Variants in DLGAP2 observed in about 807,000 individuals in gnomAD.
DLGAP2 encodes the protein disks large-associated protein 2.
A neutral mutation model predicts 100.3 loss-of-function variants in DLGAP2; 26 were observed. The ratio of observed to expected loss-of-function variants is 0.26; its 90% CI spans 0.19 to 0.36. The LOEUF (loss-of-function observed/expected upper bound fraction) is 0.36. Ranked by LOEUF, DLGAP2 falls within the 10% of genes least tolerant of loss-of-function variation. The probability of loss-of-function intolerance (pLI) is 1.00; values close to 1 mark genes in which losing one functional copy is unlikely to be tolerated. For missense variants in DLGAP2, 1,858 were observed against 1,453.2 expected (o/e 1.28, Z -4.53); for synonymous variants, 886 against 630.1 (o/e 1.41, Z -6.08).
intron 2 of DLGAP2, among the ~76,000 whole-genome samples, chr8:1,059,523 G>A (rs1377687309): frequency 1.3e-5 from 2 of 152,204 alleles, no homozygotes; most frequent in East Asian, 3.9e-4. Flanking sequence ...GGTGTGTGGC[G>A]AGTGTGGGCT....
chr8:926,524 A>G (rs994775886), intron 2 of DLGAP2, among the ~76,000 whole-genome samples: 6 of 152,222 alleles, frequency 3.9e-5, no homozygotes, highest in African/African-American at 1.4e-4. Flanking sequence ...GAAAACAAGC[A>G]GAATCTGTGC....
chr8:1,618,181 T>G (rs75820271), intron 6 of DLGAP2, among the ~76,000 whole-genome samples: 5,600 of 152,252 alleles, frequency 0.037, 322 homozygotes, highest in African/African-American at 0.13. Context: ...GTTCCAGGTT[T>G]ATTCTTATAT....
chr8:994,420 G>C (rs774354438), intron 2 of DLGAP2, among the ~76,000 whole-genome samples: 1 of 151,970 alleles, frequency 6.6e-6, no homozygotes, highest in African/African-American at 2.4e-5. Flanking sequence ...GGCTGGTCTC[G>C]AACTCCCGAC....
chr8:1,434,524 T>G (rs1254208409), intron 3 of DLGAP2, among the ~76,000 whole-genome samples: 1 of 152,078 alleles, frequency 6.6e-6, no homozygotes, highest in Non-Finnish European at 1.5e-5. Context: ...TTTCCCAGCC[T>G]GGAGGGCAGT....
chr8:1,103,412 G>A lies in DLGAP2; in HGVS notation c.74-155439G>A, dbSNP rs567998076. On this transcript the variant is annotated intron_variant, in intron 2 of 14. Transcript: ENST00000637795. ...GACGACTGGCAGGGCCTTGTTTAACGGTGATGACTGGCAGGGCTTTGGTTA... is the reference window on the plus strand; with the variant it reads ...GACGACTGGCAGGGCCTTGTTTAACAGTGATGACTGGCAGGGCTTTGGTTA... Among the ~76,000 whole-genome samples the A allele has an allele frequency of 7.3e-5, 11 of 151,630 alleles. 1 individual carries two copies. The South Asian group carries it at 2.1e-3, about 29-fold the overall frequency.
intron 1 of DLGAP2, among the ~76,000 whole-genome samples, chr8:863,609 C>T (rs1219776442): frequency 6.6e-6 from 1 of 152,096 alleles, no homozygotes. Context: ...TGTGCAGAAG[C>T]TCCAGTTTGA....
At chr8:1,298,309 G>A (rs113816149) in intron 3 of DLGAP2, among the ~76,000 whole-genome samples, 13 of 152,234 alleles carry the variant, frequency 8.5e-5, no homozygotes, top group South Asian at 6.2e-4. Context: ...CACCAAATGC[G>A]TCCGCTTCCT....
At chr8:1,213,344 T>C (rs1449200543) in intron 2 of DLGAP2, among the ~76,000 whole-genome samples, 1 of 152,206 alleles carries the variant, frequency 6.6e-6, no homozygotes, top group Non-Finnish European at 1.5e-5. Context: ...TGAAATTAAA[T>C]TTCATCAAAT....
chr8:1,176,068 C>T (rs191286656), intron 2 of DLGAP2, among the ~76,000 whole-genome samples: 2 of 152,194 alleles, frequency 1.3e-5, no homozygotes, highest in Non-Finnish European at 1.5e-5. Context: ...AAAATACTAC[C>T]TGAAACTGGG....
intron 3 of DLGAP2, among the ~76,000 whole-genome samples, chr8:1,364,224 A>G (rs1285491071): frequency 2.0e-5 from 3 of 152,180 alleles, no homozygotes; most frequent in African/African-American, 7.2e-5. Context: ...CCCGGGCTGG[A>G]TCCCAGCTGT....
chr8:1,230,714 G>C (rs1264789750), intron 2 of DLGAP2, among the ~76,000 whole-genome samples: 1 of 152,106 alleles, frequency 6.6e-6, no homozygotes, highest in Non-Finnish European at 1.5e-5. Flanking sequence ...TACAGCTAAA[G>C]TCATCTAATC....
chr8:1,518,527 T>C (rs763407609), intron 4 of DLGAP2, among the ~76,000 whole-genome samples: 4 of 152,200 alleles, frequency 2.6e-5, no homozygotes, highest in Non-Finnish European at 4.4e-5. Flanking sequence ...CTGTGGTGAC[T>C]GTCCAGTTTT....
chr8:1,674,530 A>G lies in DLGAP2; in HGVS notation c.2203-2003A>G, dbSNP rs140430819. Among the ~76,000 whole-genome samples, 53 of 152,386 alleles carry G rather than the reference A, an allele frequency of 3.5e-4. 1 individual carries two copies. The highest frequency in any genetic ancestry group is 1.1e-3 in the African/African-American group (45 of 41,596). On this transcript the variant is annotated intron_variant, in intron 10 of 14. Coordinates refer to ENST00000637795, the MANE Select transcript of DLGAP2 (RefSeq NM_001346810.2). The stretch of plus-strand genomic sequence containing the variant: ...TTTAGGCTGGATTCCTAGAAATAGA[A>G]TAAGTGAGAGAGACAAATATTCTCC...
intron 2 of DLGAP2, among the ~76,000 whole-genome samples, chr8:1,208,262 G>C (rs1798034869): frequency 6.6e-6 from 1 of 152,178 alleles, no homozygotes; most frequent in Admixed American, 6.5e-5. Context: ...TGAGGATCCA[G>C]TTTCATTCTT....
intron 3 of DLGAP2, among the ~76,000 whole-genome samples, chr8:1,283,258 AGCGCCCTGAACCATCCGGACGTGGT>A: frequency 6.9e-6 from 1 of 143,898 alleles, no homozygotes; most frequent in East Asian, 2.1e-4. Context: ...ATCTGAACCC[AGCGCCCTGAACCATCCGGACGTGGT>A]GCGACCTGAA....
At chr8:1,200,040 C>G (rs1005290448) in intron 2 of DLGAP2, among the ~76,000 whole-genome samples, 1 of 151,992 alleles carries the variant, frequency 6.6e-6, no homozygotes, top group Non-Finnish European at 1.5e-5. Context: ...TGGGGGTGAC[C>G]CCGAGAACAG....
intron 1 of DLGAP2, among the ~76,000 whole-genome samples, chr8:837,052 C>T (rs184488047): frequency 1.8e-4 from 27 of 152,332 alleles, no homozygotes; most frequent in Admixed American, 6.5e-5. Context: ...TCCCGGGGTT[C>T]GAGTCCTATC....
At chr8:1,444,898 G>A (rs1162405137) in intron 3 of DLGAP2, among the ~76,000 whole-genome samples, 3 of 146,898 alleles carry the variant, frequency 2.0e-5, no homozygotes, top group Non-Finnish European at 3.0e-5. Context: ...ACTGCCTCCC[G>A]AGTAGCTGGG....
chr8:1,494,943 G>T (rs374758002), intron 3 of DLGAP2, among the ~76,000 whole-genome samples: 4 of 152,216 alleles, frequency 2.6e-5, no homozygotes, highest in African/African-American at 7.2e-5. Flanking sequence ...CACTCCTGGC[G>T]TAATGACAGA....
Sources: gnomAD v4.1 joint callset for allele counts (sites outside exome capture counted in the v4.1 genomes callset) on GRCh38, gnomAD v4.1.1 for gene constraint, MANE v1.5 for transcripts, NCBI Gene and HGNC (gene_info 2026-07-23, HGNC 2026-07-21) for gene names.